The following STARD13 variants were observed in gnomAD, a reference collection of about 807,000 sequenced individuals.
STARD13 encodes the protein StAR related lipid transfer domain containing 13, also known as stAR-related lipid transfer protein 13.
Under a neutral mutation model 106.4 loss-of-function variants are expected in STARD13, and 62 were observed. That is an observed-to-expected ratio of 0.58 (90% confidence interval 0.48 to 0.72). The LOEUF (loss-of-function observed/expected upper bound fraction) is 0.72. Among genes scored for constraint, STARD13 ranks in the 30% least tolerant of loss-of-function variants. STARD13 has a pLI of 0.00. For synonymous variants in STARD13, 565 were observed against 553.0 expected (o/e 1.02, Z -0.31); for missense variants, 1,387 against 1,424.0 (o/e 0.97, Z 0.42).
At chr13:33,417,245 A>G in the STARD13 span, among the ~76,000 whole-genome samples, 1 of 152,238 alleles carries the variant, frequency 6.6e-6, no homozygotes, top group Non-Finnish European at 1.5e-5. Flanking sequence ...GAGGATGTCA[A>G]GAAATTGGAA....
the STARD13 span, among the ~76,000 whole-genome samples, chr13:33,535,911 A>T: frequency 6.6e-6 from 1 of 152,198 alleles, no homozygotes; most frequent in Admixed American, 6.5e-5. Flanking sequence ...CTATACTTAA[A>T]TTATTGGAAT....
the STARD13 span, among the ~76,000 whole-genome samples, chr13:33,491,668 A>T: frequency 1.3e-5 from 2 of 152,230 alleles, no homozygotes; most frequent in Non-Finnish European, 2.9e-5. Flanking sequence ...TTTGCACATT[A>T]CAACCTTAGA....
At chr13:33,161,579 T>TC (rs1882630538) in intron 3 of STARD13, among the ~76,000 whole-genome samples, 1 of 152,158 alleles carries the variant, frequency 6.6e-6, no homozygotes, top group African/African-American at 2.4e-5. Context: ...CCTCCCAAAG[T>TC]GCTGGGATTA....
chr13:33,619,240 G>A, the STARD13 span, among the ~76,000 whole-genome samples: 12 of 152,092 alleles, frequency 7.9e-5, no homozygotes, highest in Admixed American at 7.2e-4. Context: ...GAACCAAACC[G>A]AGCTTGACAG....
chr13:33,387,696 T>C, the STARD13 span, among the ~76,000 whole-genome samples: 1 of 152,188 alleles, frequency 6.6e-6, no homozygotes, highest in East Asian at 1.9e-4. Flanking sequence ...CCGCTACTGA[T>C]GGTAAAAAGC....
the STARD13 span, among the ~76,000 whole-genome samples, chr13:33,671,101 G>A: frequency 5.6e-3 from 848 of 152,332 alleles, 11 homozygotes; most frequent in African/African-American, 0.019. Flanking sequence ...TATTTTGTGC[G>A]TGTATTGCTT....
the STARD13 span, among the ~76,000 whole-genome samples, chr13:33,492,872 G>T: frequency 1.3e-5 from 2 of 151,826 alleles, no homozygotes; most frequent in African/African-American, 2.4e-5. Context: ...TCTCTCTTGG[G>T]GTCTGGATCA....
rs201883988 is a variant in STARD13, at chr13:33,129,043, C to T, written c.1634G>A (p.Arg545Gln). 4.5e-5 allele frequency: 73 copies of T among 1,614,026 alleles called. No individual in the cohort carries two copies. Among genetic ancestry groups the T allele is most frequent in the African/African-American group, 9.3e-5 (7 of 74,984 alleles). Residue 545 changes from arginine (R) to glutamine (Q), a missense_variant, in exon 5 of 14, where the codon CGG becomes CAG. By Grantham distance (43) the Arg-to-Gln change is conservative. Transcript: ENST00000336934. ...TCTTTCCACATCACTGGGTGTCGTC[C>T]GACCTTCTGAGACAGAGTTACCTTC... is the stretch of plus-strand genomic sequence containing the variant. ...DFEGNSVSEG[R>Q]TTPSDVERDV...
chr13:33,149,740 C>T (rs1881020240), intron 3 of STARD13, among the ~76,000 whole-genome samples: 2 of 152,184 alleles, frequency 1.3e-5, no homozygotes, highest in Non-Finnish European at 2.9e-5. Flanking sequence ...TTGGATGAAA[C>T]ATATCCCTGA....
chr13:33,236,271 G>A (rs557427072), intron 1 of STARD13, among the ~76,000 whole-genome samples: 51 of 152,276 alleles, frequency 3.3e-4, no homozygotes, highest in African/African-American at 1.2e-3. Context: ...AAAATCTTTG[G>A]CAGGAATCTG....
At chr13:33,233,985 G>A (rs1594142139) in intron 1 of STARD13, among the ~76,000 whole-genome samples, 1 of 152,176 alleles carries the variant, frequency 6.6e-6, no homozygotes, top group Non-Finnish European at 1.5e-5. Context: ...TGTTGAAGGG[G>A]CCAAGAAAAA....
chr13:33,568,938 T>C, the STARD13 span, among the ~76,000 whole-genome samples: 2 of 148,020 alleles, frequency 1.4e-5, no homozygotes. Flanking sequence ...AAACTTATAC[T>C]TTTTTAAACT....
intron 3 of STARD13, 91 bp downstream of exon 3, chr13:33,165,246 C>T: frequency 1.0e-6 from 1 of 971,276 alleles, no homozygotes; most frequent in Non-Finnish European, 1.7e-6. Flanking sequence ...TCAGTGAATA[C>T]TTGCCGAATA....
At chr13:33,137,941 G>A (rs987149931) in intron 4 of STARD13, among the ~76,000 whole-genome samples, 1 of 150,328 alleles carries the variant, frequency 6.7e-6, no homozygotes, top group Non-Finnish European at 1.5e-5. Flanking sequence ...TGGGTGGGGG[G>A]CCAGGCCCCT....
chr13:33,187,774 C>T (rs1382419706), intron 1 of STARD13, among the ~76,000 whole-genome samples: 1 of 152,136 alleles, frequency 6.6e-6, no homozygotes, highest in East Asian at 1.9e-4. Context: ...CCTCCGCCTC[C>T]CAGGTTCAAA....
the STARD13 span, among the ~76,000 whole-genome samples, chr13:33,411,679 A>G: frequency 3.9e-5 from 6 of 152,224 alleles, no homozygotes; most frequent in African/African-American, 1.4e-4. Context: ...TACTGTCTCC[A>G]TAGTTTTCCC....
intron 4 of STARD13, among the ~76,000 whole-genome samples, chr13:33,131,025 A>T (rs938513928): frequency 6.6e-6 from 1 of 152,138 alleles, no homozygotes; most frequent in African/African-American, 2.4e-5. Context: ...GCGGCTTGGC[A>T]CTGTCTTACA....
At chr13:33,180,948 T>C (rs17078738) in intron 1 of STARD13, among the ~76,000 whole-genome samples, 3 of 152,186 alleles carry the variant, frequency 2.0e-5, no homozygotes, top group Non-Finnish European at 2.9e-5. Context: ...AGATGAAGTC[T>C]ATCTTGCTCA....
At chr13:33,164,449 G>A (rs1883094653) in intron 3 of STARD13, 2 of 152,112 alleles carry the variant, frequency 1.3e-5, no homozygotes, top group South Asian at 4.1e-4. Context: ...TTTAGCATTA[G>A]GAATACTGGG....
Sources: allele counts gnomAD v4.1 joint callset (sites outside exome capture counted in the v4.1 genomes callset), GRCh38; gene constraint gnomAD v4.1.1; transcripts MANE v1.5; gene names NCBI Gene and HGNC (gene_info 2026-07-23, HGNC 2026-07-21).